Variants in FAT1 observed in about 807,000 individuals in gnomAD.
FAT1 encodes the protein protocadherin Fat 1.
FAT1 carries 171 observed loss-of-function variants against 329.8 expected under a neutral mutation model. The observed-to-expected ratio is 0.52, with a 90% CI of 0.46 to 0.59. The LOEUF (loss-of-function observed/expected upper bound fraction) is 0.59, where lower values mean the gene tolerates loss of function less well. Ranked by LOEUF, FAT1 falls within the 20% of genes least tolerant of loss-of-function variation. The pLI is 0.00. For missense variants in FAT1, 5,672 were observed against 5,774.4 expected (o/e 0.98, Z 0.57); for synonymous variants, 2,233 against 2,228.6 (o/e 1.00, Z -0.06).
chr4:186,596,977 AAC>A lies in FAT1; in HGVS notation c.12561_12562del (p.Phe4188CysfsTer16). On this transcript the variant is annotated frameshift_variant, in exon 25 of 27. Coordinates refer to ENST00000441802, the MANE Select transcript of FAT1 (RefSeq NM_005245.4). LOFTEE classifies it high-confidence loss of function. This position sits in a 1 kb window ranked among gnomAD's most constrained non-coding sequence, Gnocchi z 4.7. ...CACCAGTAAAAATATCCCTGCAACA[AAC>A]ACAACGATTCCAATTCCTTCCGCCA... 6.2e-7 allele frequency: 1 copy of A among 1,613,970 alleles called. No individual in the cohort carries two copies.
chr4:186,661,020 C>T (rs1178400682), intron 3 of FAT1, among the ~76,000 whole-genome samples: 1 of 152,190 alleles, frequency 6.6e-6, no homozygotes, highest in Non-Finnish European at 1.5e-5. Context: ...ACAGAAGACA[C>T]AAGAAAATTG....
At chr4:186,721,211 C>T in intron 1 of FAT1, among the ~76,000 whole-genome samples, 1 of 152,156 alleles carries the variant, frequency 6.6e-6, no homozygotes, top group East Asian at 1.9e-4. Context: ...AGCAAGAATT[C>T]AGGCAATGTA....
At chr4:186,683,160 T>G (rs1029898803) in intron 2 of FAT1, among the ~76,000 whole-genome samples, 2 of 152,174 alleles carry the variant, frequency 1.3e-5, no homozygotes, top group African/African-American at 4.8e-5. Flanking sequence ...TCTTCGTTCT[T>G]GTCATTCAGG....
chr4:186,641,749 G>A (rs1337395686), intron 3 of FAT1, among the ~76,000 whole-genome samples: 1 of 152,190 alleles, frequency 6.6e-6, no homozygotes, highest in East Asian at 1.9e-4. Flanking sequence ...GCTCACACCT[G>A]TAATCCCAGC....
chr4:186,617,293 T>C, intron 10 of FAT1, 92 bp from the exon 11 acceptor site: 1 of 900,180 alleles, frequency 1.1e-6, no homozygotes, highest in Non-Finnish European at 1.6e-6. Flanking sequence ...AGATGTATAA[T>C]GTTATAGTTT....
At chr4:186,690,491 T>C (rs890281955) in intron 2 of FAT1, among the ~76,000 whole-genome samples, 3 of 152,014 alleles carry the variant, frequency 2.0e-5, no homozygotes, top group Admixed American at 6.6e-5. Flanking sequence ...AGGTCCAGAG[T>C]TGGTGACCAG....
intron 26 of FAT1, chr4:186,592,629 G>A (rs1223863601): frequency 1.3e-5 from 6 of 449,682 alleles, no homozygotes; most frequent in Middle Eastern, 3.3e-4. Context: ...ATAGCAATGC[G>A]GCCGAGCTCT....
chr4:186,608,891 C>T (rs1258904666), intron 16 of FAT1, among the ~76,000 whole-genome samples: 1 of 152,192 alleles, frequency 6.6e-6, no homozygotes, highest in Non-Finnish European at 1.5e-5. Context: ...CAAACCTCTG[C>T]TATTATTTAA....
chr4:186,716,555 G>T (rs562525994), intron 1 of FAT1, among the ~76,000 whole-genome samples: 1 of 151,932 alleles, frequency 6.6e-6, no homozygotes, highest in African/African-American at 2.4e-5. Context: ...CGCCTCCGGG[G>T]TACCTGGGCG....
In FAT1 at chr4:186,706,899, C is replaced by T. The variant is rs1561007001; in HGVS notation, c.2929G>A (p.Asp977Asn). The change falls in exon 2 of 27, where the codon GAT (aspartate) becomes AAT (asparagine). Residue 977 changes from aspartate to asparagine, a missense_variant. By Grantham distance (23) the Asp-to-Asn change is conservative (BLOSUM62 1). This residue lies in a region of FAT1 where 3,966 missense variants were observed against 3,915.2 expected (regional missense o/e 1.01). Coordinates refer to ENST00000441802, the MANE Select transcript of FAT1 (RefSeq NM_005245.4). ...ATCCTAACTGCTCCACTGAGTTTAT[C>T]CACATCGAAGTTTCCTTCTCCGTGG... ...LDHGEGNFDVDKLSGAVRIVQ... is the reference protein window; with the variant it reads ...LDHGEGNFDVNKLSGAVRIVQ... 1 of 1,613,988 alleles carries T rather than the reference C, an allele frequency of 6.2e-7. No homozygotes were observed. Among genetic ancestry groups the T allele is most frequent in the South Asian group, 1.1e-5 (1 of 91,070 alleles).
At chr4:186,652,216 T>C (rs1257820200) in intron 3 of FAT1, among the ~76,000 whole-genome samples, 3 of 152,182 alleles carry the variant, frequency 2.0e-5, no homozygotes, top group African/African-American at 7.2e-5. Flanking sequence ...TTACAGGGAA[T>C]TGCCTTCAGT....
chr4:186,700,149 C>T (rs1005645478), intron 2 of FAT1, among the ~76,000 whole-genome samples: 6 of 152,142 alleles, frequency 3.9e-5, no homozygotes, highest in African/African-American at 1.4e-4. Flanking sequence ...TCATGTAACT[C>T]GATGCAGAGG....
chr4:186,712,826 G>C (rs1195515422), intron 1 of FAT1, among the ~76,000 whole-genome samples: 2 of 151,924 alleles, frequency 1.3e-5, no homozygotes, highest in East Asian at 3.9e-4. Flanking sequence ...CCTCTATCTC[G>C]AGACATTGCC....
intron 2 of FAT1, among the ~76,000 whole-genome samples, chr4:186,676,279 A>G (rs1579432349): frequency 1.1e-5 from 1 of 89,114 alleles, no homozygotes; most frequent in East Asian, 4.8e-4. Flanking sequence ...TCATTTTGTG[A>G]AAAAAAAAAA....
In FAT1 at chr4:186,613,202, C is replaced by CGG; in HGVS notation, c.9368_9369dup (p.Glu3124ProfsTer22). The CGG allele has an allele frequency of 6.2e-7, 1 of 1,613,802 alleles. No individual in the cohort carries two copies. The highest frequency in any genetic ancestry group is 8.5e-7 in the Non-Finnish European group (1 of 1,179,810). ...ATGGCATAAGGATCGGCAGAGAATT[C>CGG]GGGGGCGTTATCGTTCACATCTTCT... is the stretch of plus-strand genomic sequence containing the variant. On this transcript the variant is annotated frameshift_variant, in exon 13 of 27. Transcript: ENST00000441802. LOFTEE classifies it high-confidence loss of function.
chr4:186,606,319 C>G, intron 16 of FAT1, 106 bp from the exon 17 acceptor site: 1 of 1,149,696 alleles, frequency 8.7e-7, no homozygotes, highest in Non-Finnish European at 1.2e-6. Flanking sequence ...CAGTGAGCTA[C>G]CACTATCTGT....
At chr4:186,671,004 G>A (rs1454368674) in intron 2 of FAT1, among the ~76,000 whole-genome samples, 2 of 152,090 alleles carry the variant, frequency 1.3e-5, no homozygotes, top group Admixed American at 6.5e-5. Flanking sequence ...AGCTGGGGCA[G>A]GGAGCAGGGA....
Position 186,618,382 on chromosome 4 carries a change from T to C in FAT1, c.8204A>G (p.Tyr2735Cys), listed in dbSNP as rs367569266. The C allele has an allele frequency of 3.1e-6, 5 of 1,613,922 alleles. No homozygotes were observed. The African/African-American group carries it at 6.7e-5, about 22-fold the overall frequency. ...TGGAGTATTCCCTTTGACCAGGCTG[T>C]AAAGAACAGTCCCACTATGTTCTGC... is the stretch of plus-strand genomic sequence containing the variant. ...IRAEHSGTVLYSLVKGNTPES... is the reference protein window; with the variant it reads ...IRAEHSGTVLCSLVKGNTPES... Residue 2735 changes from tyrosine (Y) to cysteine (C), a missense_variant, in exon 10 of 27, where the codon TAC (tyrosine) becomes TGC (cysteine). Coordinates refer to ENST00000441802, the MANE Select transcript of FAT1 (RefSeq NM_005245.4).
At chr4:186,654,555 T>C (rs1485849063) in intron 3 of FAT1, among the ~76,000 whole-genome samples, 2 of 152,112 alleles carry the variant, frequency 1.3e-5, no homozygotes, top group African/African-American at 2.4e-5. Flanking sequence ...AACAGTGCAA[T>C]GTGCTCCACA....
Sources: gnomAD v4.1 joint callset for allele counts (sites outside exome capture counted in the v4.1 genomes callset) on GRCh38, gnomAD v4.1.1 for gene constraint, gnomAD v4.1.1 regional missense constraint, Gnocchi (gnomAD v3.1) non-coding constraint, MANE v1.5 for transcripts, NCBI Gene and HGNC (gene_info 2026-07-23, HGNC 2026-07-21) for gene names.